Variants in FHOD3 observed in about 807,000 individuals in gnomAD.
FHOD3 encodes the protein formin homology 2 domain containing 3.
FHOD3 carries 90 observed loss-of-function variants against 173.0 expected under a neutral mutation model. The ratio of observed to expected loss-of-function variants is 0.52; its 90% confidence interval spans 0.44 to 0.62. FHOD3 has a LOEUF of 0.62. Among genes scored for constraint, FHOD3 ranks in the 20% least tolerant of loss-of-function variants. The pLI, the probability that FHOD3 is intolerant of heterozygous loss-of-function variation, is 0.00. For synonymous variants in FHOD3, 828 were observed against 823.0 expected (o/e 1.01, Z -0.10); for missense variants, 1,945 against 2,034.7 (o/e 0.96, Z 0.85).
At chr18:36,456,199 G>A (rs2052201656) in intron 3 of FHOD3, among the ~76,000 whole-genome samples, 1 of 152,134 alleles carries the variant, frequency 6.6e-6, no homozygotes, top group Non-Finnish European at 1.5e-5. Context: ...TTAACCATGG[G>A]CCTCAAACAA....
At chr18:36,530,401 G>A (rs980571596) in intron 5 of FHOD3, among the ~76,000 whole-genome samples, 6 of 152,110 alleles carry the variant, frequency 3.9e-5, no homozygotes, top group African/African-American at 1.2e-4. Flanking sequence ...ACCCCCACTA[G>A]GGCAGGGGCA....
intron 19 of FHOD3, among the ~76,000 whole-genome samples, chr18:36,721,065 C>T (rs892138958): frequency 6.6e-6 from 1 of 152,214 alleles, no homozygotes; most frequent in Admixed American, 6.5e-5. Context: ...ATATTCTAGC[C>T]TCTTTTGTCT....
intron 19 of FHOD3, among the ~76,000 whole-genome samples, chr18:36,724,656 G>GTAAC (rs1394933121): frequency 6.6e-6 from 1 of 152,162 alleles, no homozygotes; most frequent in African/African-American, 2.4e-5. Flanking sequence ...TCCACAAAGG[G>GTAAC]TAACCTCTGC....
chr18:36,336,010 G>A (rs939235053), intron 1 of FHOD3, among the ~76,000 whole-genome samples: 2 of 152,178 alleles, frequency 1.3e-5, no homozygotes, highest in South Asian at 2.1e-4. Context: ...GACATACAAC[G>A]TGTTCTTACA....
chr18:36,427,286 TAAAAAAAA>T (rs35854743), intron 3 of FHOD3, among the ~76,000 whole-genome samples: 3 of 79,480 alleles, frequency 3.8e-5, no homozygotes, highest in African/African-American at 9.1e-5. Context: ...CTTGCTTCTC[TAAAAAAAA>T]AAAAAAAAAA....
chr18:36,655,297 T>G (rs2149148701), intron 13 of FHOD3, among the ~76,000 whole-genome samples: 1 of 152,292 alleles, frequency 6.6e-6, no homozygotes, highest in Non-Finnish European at 1.5e-5. Flanking sequence ...ATCTCATCTT[T>G]CCCAGAGAGT....
chr18:36,727,818 G>A (rs913530477), intron 19 of FHOD3, among the ~76,000 whole-genome samples: 2 of 152,222 alleles, frequency 1.3e-5, no homozygotes, highest in African/African-American at 4.8e-5. Flanking sequence ...CCCCCAAGCT[G>A]TTTGCCATGG....
intron 3 of FHOD3, among the ~76,000 whole-genome samples, chr18:36,443,845 T>C (rs924844764): frequency 6.6e-6 from 1 of 152,196 alleles, no homozygotes; most frequent in Non-Finnish European, 1.5e-5. Flanking sequence ...TCTTTCCCTT[T>C]TATTTGTAGC....
chr18:36,759,392 A>G (rs2042774370), intron 26 of FHOD3, among the ~76,000 whole-genome samples: 1 of 152,178 alleles, frequency 6.6e-6, no homozygotes, highest in Non-Finnish European at 1.5e-5. Flanking sequence ...ATCAGTAACC[A>G]TGTCACAAGT....
At chr18:36,355,433 C>A in intron 1 of FHOD3, 106 bp from the exon 2 acceptor site, 2 of 841,958 alleles carry the variant, frequency 2.4e-6, no homozygotes, top group Non-Finnish European at 1.9e-6. Context: ...CATTTCAGAA[C>A]ATTGCTTGAT....
intron 28 of FHOD3, chr18:36,778,285 G>A (rs1199802572): frequency 1.3e-5 from 2 of 152,260 alleles, no homozygotes; most frequent in African/African-American, 4.8e-5. Context: ...AGACATTAAG[G>A]TGAGCTTACT....
At chr18:36,328,515 G>A (rs1481760567) in intron 1 of FHOD3, among the ~76,000 whole-genome samples, 1 of 152,160 alleles carries the variant, frequency 6.6e-6, no homozygotes, top group Non-Finnish European at 1.5e-5. Flanking sequence ...GGGTCTTTGT[G>A]TCATTGTAGG....
At chr18:36,575,185 G>A (rs974619365) in intron 5 of FHOD3, among the ~76,000 whole-genome samples, 4 of 152,096 alleles carry the variant, frequency 2.6e-5, no homozygotes, top group Non-Finnish European at 5.9e-5. Flanking sequence ...TGGTCAGGCT[G>A]GTCTTGAACT....
chr18:36,404,537 C>A (rs996423550), intron 3 of FHOD3, among the ~76,000 whole-genome samples: 2 of 152,160 alleles, frequency 1.3e-5, no homozygotes, highest in African/African-American at 4.8e-5. Context: ...CAAATGCCTG[C>A]AGGGCAGATT....
At chr18:36,415,434 GA>G (rs1004431105) in intron 3 of FHOD3, among the ~76,000 whole-genome samples, 1 of 152,160 alleles carries the variant, frequency 6.6e-6, no homozygotes, top group African/African-American at 2.4e-5. Flanking sequence ...AGAAAGGGGA[GA>G]AAAAGTGGTT....
At position 36,718,201 on chromosome 18, in the gene FHOD3, C is replaced by T. The variant is rs372680469; in HGVS notation, c.2903C>T (p.Ala968Val). The change falls in exon 19 of 29, where the codon GCG (alanine) becomes GTG (valine). Residue 968 changes from alanine to valine, a missense_variant. Physicochemically the swap from Ala to Val is moderately conservative, Grantham distance 64. Around this residue, in one of 5 missense-constraint regions of FHOD3, gnomAD observed 1,099 missense variants for 1,051.2 expected, o/e 1.05. Transcript: ENST00000590592. The part of the protein sequence containing the change: ...AEPNDKVPET[A>V]PVQPKTESDY... ...CCCAATGACAAGGTCCCAGAAACAG[C>T]GCCGGTGCAGCCGAAGACAGAGTCT... The T allele has an allele frequency of 2.6e-5, 42 of 1,613,820 alleles. No homozygotes were observed. The Admixed American group carries it at 3.7e-4, about 14-fold the overall frequency.
rs376189363 is a variant in FHOD3, at chr18:36,602,669, C to T, written c.719-5C>T. The T allele has an allele frequency of 6.2e-6, 10 of 1,608,758 alleles. No individual in the cohort carries two copies. Among genetic ancestry groups the T allele is most frequent in the African/African-American group, 1.3e-5 (1 of 74,766 alleles). On this transcript the variant is annotated splice_polypyrimidine_tract_variant and splice_region_variant and intron_variant, in intron 7 of 28. Coordinates refer to ENST00000590592, the MANE Select transcript of FHOD3 (RefSeq NM_001281740.3). ...TGTTTCTAATGATTTTTGCTTTACTCATAGGGGTCAAACCTTGGTCAAATA... is the reference window on the plus strand; with the variant it reads ...TGTTTCTAATGATTTTTGCTTTACTTATAGGGGTCAAACCTTGGTCAAATA...
intron 1 of FHOD3, among the ~76,000 whole-genome samples, chr18:36,329,949 G>A (rs564800590): frequency 3.0e-4 from 46 of 152,336 alleles, no homozygotes; most frequent in Middle Eastern, 3.4e-3. Flanking sequence ...CCATCTAGGA[G>A]TGAGGTCTCT....
At chr18:36,405,315 C>T (rs947987325) in intron 3 of FHOD3, among the ~76,000 whole-genome samples, 8 of 152,150 alleles carry the variant, frequency 5.3e-5, no homozygotes, top group East Asian at 1.9e-4. Flanking sequence ...TGAAGAGGTT[C>T]GATTCCACCA....
Sources: gnomAD v4.1 joint callset for allele counts (sites outside exome capture counted in the v4.1 genomes callset) on GRCh38, gnomAD v4.1.1 for gene constraint, gnomAD v4.1.1 regional missense constraint, MANE v1.5 for transcripts, NCBI Gene and HGNC (gene_info 2026-07-23, HGNC 2026-07-21) for gene names.